Variants in FHIT observed in about 807,000 individuals in gnomAD.
The protein encoded by FHIT is fragile histidine triad diadenosine triphosphatase.
FHIT carries 19 observed loss-of-function variants against 17.9 expected under a neutral mutation model. That is an observed-to-expected ratio of 1.06 (90% CI 0.74 to 1.56). The LOEUF (loss-of-function observed/expected upper bound fraction) is 1.56, where lower values mean the gene tolerates loss of function less well. Ranked by LOEUF, FHIT falls within the 40% of genes most tolerant of loss-of-function variation. FHIT has a pLI of 0.00. For missense variants in FHIT, 248 were observed against 189.2 expected, an observed-to-expected ratio of 1.31 and a Z score of -1.82; for synonymous variants, 81 against 69.7, an observed-to-expected ratio of 1.16 and a Z score of -0.81.
chr3:61,238,752 T>A (rs1163766317), intron 1 of FHIT, among the ~76,000 whole-genome samples: 1 of 152,202 alleles, frequency 6.6e-6, no homozygotes, highest in Non-Finnish European at 1.5e-5. Context: ...TTCTAACATA[T>A]AAAAATTATG....
intron 4 of FHIT, among the ~76,000 whole-genome samples, chr3:60,784,026 C>T (rs926348901): frequency 1.3e-5 from 2 of 152,222 alleles, no homozygotes; most frequent in Admixed American, 1.3e-4. Flanking sequence ...TTCAGTGACT[C>T]TTTGGCAGGT....
At chr3:59,881,530 T>C (rs1361992548) in intron 8 of FHIT, among the ~76,000 whole-genome samples, 1 of 152,038 alleles carries the variant, frequency 6.6e-6, no homozygotes, top group African/African-American at 2.4e-5. Flanking sequence ...CTGAGGAAAA[T>C]GCACATACAC....
chr3:61,226,447 A>G (rs901223548), intron 1 of FHIT, among the ~76,000 whole-genome samples: 1 of 152,170 alleles, frequency 6.6e-6, no homozygotes, highest in Non-Finnish European at 1.5e-5. Flanking sequence ...CCCTCTCTCC[A>G]TATTTCATTC....
At chr3:60,497,030 C>A (rs1033764208) in intron 5 of FHIT, among the ~76,000 whole-genome samples, 4 of 151,976 alleles carry the variant, frequency 2.6e-5, no homozygotes, top group Non-Finnish European at 5.9e-5. Context: ...GGTCAGTAAA[C>A]GCCTCTAAAG....
At chr3:60,067,221 A>T (rs1171125042) in intron 5 of FHIT, among the ~76,000 whole-genome samples, 1 of 152,184 alleles carries the variant, frequency 6.6e-6, no homozygotes, top group Non-Finnish European at 1.5e-5. Context: ...GGAAATATCT[A>T]AAAAATGGCA....
intron 8 of FHIT, among the ~76,000 whole-genome samples, chr3:59,907,160 G>C (rs1338246749): frequency 6.6e-6 from 1 of 152,190 alleles, no homozygotes; most frequent in Admixed American, 6.5e-5. Flanking sequence ...ACCTCGATAG[G>C]AAGCCTTTCT....
intron 5 of FHIT, among the ~76,000 whole-genome samples, chr3:60,183,623 C>T (rs1220707376): frequency 6.6e-6 from 1 of 152,036 alleles, no homozygotes; most frequent in Non-Finnish European, 1.5e-5. Context: ...TGTGCCATGT[C>T]ACACTCTTTT....
intron 5 of FHIT, among the ~76,000 whole-genome samples, chr3:60,223,180 G>A (rs183679420): frequency 1.3e-5 from 2 of 152,246 alleles, no homozygotes; most frequent in East Asian, 3.9e-4. Context: ...AGTCCCTGGA[G>A]GGCTCCTAAC....
chr3:59,785,991 A>G (rs940751239), intron 8 of FHIT, among the ~76,000 whole-genome samples: 5 of 152,176 alleles, frequency 3.3e-5, no homozygotes, highest in Non-Finnish European at 5.9e-5. Flanking sequence ...CTCTGAGATC[A>G]TGTCTGTTGT....
At chr3:60,570,806 T>C (rs1373429255) in intron 4 of FHIT, among the ~76,000 whole-genome samples, 1 of 150,664 alleles carries the variant, frequency 6.6e-6, no homozygotes, top group African/African-American at 2.4e-5. Flanking sequence ...CAAATATTTG[T>C]TGGACTGAAC....
intron 5 of FHIT, among the ~76,000 whole-genome samples, chr3:60,224,485 G>T (rs762395877): frequency 1.3e-5 from 2 of 151,980 alleles, no homozygotes; most frequent in Non-Finnish European, 1.5e-5. Context: ...AGGAATCTTC[G>T]AAATGTTCCC....
intron 4 of FHIT, among the ~76,000 whole-genome samples, chr3:60,561,465 T>C (rs529005629): frequency 1.2e-3 from 187 of 151,178 alleles, no homozygotes; most frequent in African/African-American, 4.3e-3. Flanking sequence ...GCCATTTTTT[T>C]CCCAGCCTCA....
intron 5 of FHIT, among the ~76,000 whole-genome samples, chr3:60,266,779 G>A (rs1229198507): frequency 6.6e-6 from 1 of 152,054 alleles, no homozygotes; most frequent in African/African-American, 2.4e-5. Context: ...GATGTCTCTA[G>A]GAAGATGAAA....
chr3:59,818,710 G>A (rs1700689963), intron 8 of FHIT, among the ~76,000 whole-genome samples: 1 of 152,156 alleles, frequency 6.6e-6, no homozygotes, highest in South Asian at 2.1e-4. Context: ...TCAGAAGACC[G>A]GGCCGACTGC....
intron 5 of FHIT, among the ~76,000 whole-genome samples, chr3:60,329,362 G>A (rs144107754): frequency 6.6e-6 from 1 of 152,134 alleles, no homozygotes; most frequent in Non-Finnish European, 1.5e-5. Flanking sequence ...TTCCTCACTA[G>A]AGACCCCTGG....
chr3:60,365,801 G>C (rs1310477809), intron 5 of FHIT, among the ~76,000 whole-genome samples: 1 of 152,124 alleles, frequency 6.6e-6, no homozygotes, highest in African/African-American at 2.4e-5. Context: ...TGAATGTTCA[G>C]TAACTTTAGT....
intron 5 of FHIT, among the ~76,000 whole-genome samples, chr3:60,278,352 G>A (rs1707266802): frequency 6.6e-6 from 1 of 152,162 alleles, no homozygotes; most frequent in Admixed American, 6.5e-5. Context: ...ATCTGACTTG[G>A]GAGAAGGGCA....
At chr3:60,558,362 G>A (rs745736783) in intron 4 of FHIT, among the ~76,000 whole-genome samples, 3 of 151,866 alleles carry the variant, frequency 2.0e-5, no homozygotes, top group Non-Finnish European at 2.9e-5. Flanking sequence ...AACAGCACAT[G>A]CCTGAAGTAG....
At chr3:60,444,114 C>A (rs1166223318) in intron 5 of FHIT, among the ~76,000 whole-genome samples, 1 of 152,152 alleles carries the variant, frequency 6.6e-6, no homozygotes, top group Non-Finnish European at 1.5e-5. Flanking sequence ...CACTTGCCAT[C>A]AGAGAAATGC....
Sources: gnomAD v4.1 joint callset for allele counts (sites outside exome capture counted in the v4.1 genomes callset) on GRCh38, gnomAD v4.1.1 for gene constraint, MANE v1.5 for transcripts, NCBI Gene and HGNC (gene_info 2026-07-23, HGNC 2026-07-21) for gene names.